CTDSPL: variants seen among roughly 807,000 people sequenced by gnomAD.
CTDSPL encodes CTD small phosphatase-like protein.
CTDSPL carries 8 observed loss-of-function variants against 30.5 expected under a neutral mutation model. The ratio of observed to expected loss-of-function variants is 0.26; its 90% CI spans 0.15 to 0.47. The LOEUF (loss-of-function observed/expected upper bound fraction) is 0.47, where lower values mean the gene tolerates loss of function less well. Ranked by LOEUF, CTDSPL falls within the 20% of genes least tolerant of loss-of-function variation. The pLI is 0.99. For missense variants in CTDSPL, 248 were observed against 366.1 expected (o/e 0.68, Z 2.63); for synonymous variants, 110 against 137.9 (o/e 0.80, Z 1.42).
intron 1 of CTDSPL, among the ~76,000 whole-genome samples, chr3:37,935,582 G>A (rs942699034): frequency 6.6e-6 from 1 of 152,194 alleles, no homozygotes; most frequent in African/African-American, 2.4e-5. Flanking sequence ...GAAGTGCTGA[G>A]GCAAGGAAGG....
At chr3:37,883,575 T>C (rs1698231976) in intron 1 of CTDSPL, among the ~76,000 whole-genome samples, 1 of 152,242 alleles carries the variant, frequency 6.6e-6, no homozygotes, top group Admixed American at 6.5e-5. Context: ...TCTTTAAACG[T>C]CCTTGTGAGG....
At chr3:37,863,313 T>C (rs942452292) in intron 1 of CTDSPL, among the ~76,000 whole-genome samples, 3 of 152,184 alleles carry the variant, frequency 2.0e-5, no homozygotes, top group African/African-American at 7.2e-5. Context: ...TGATTTGATT[T>C]TGGCACATTT....
intron 1 of CTDSPL, among the ~76,000 whole-genome samples, chr3:37,908,239 G>A (rs1017031230): frequency 6.6e-6 from 1 of 152,238 alleles, no homozygotes; most frequent in African/African-American, 2.4e-5. Flanking sequence ...GTGGGCGAAT[G>A]TCCATCACAG....
chr3:37,866,007 G>GACCACAC (rs1559619680), intron 1 of CTDSPL, among the ~76,000 whole-genome samples: 1 of 152,194 alleles, frequency 6.6e-6, no homozygotes, highest in Non-Finnish European at 1.5e-5. Flanking sequence ...CAGCAGTATT[G>GACCACAC]ACCACACATT....
Position 37,862,161 on chromosome 3 carries a change from G to C in CTDSPL, c.-39G>C, listed in dbSNP as rs1181585211. On this transcript the variant is annotated 5_prime_UTR_variant, in exon 1 of 8. Transcript: ENST00000273179. The surrounding 1 kb of genome is among the most constrained non-coding windows in gnomAD (Gnocchi z 4.3). ...CGCGCCCCCGCGCGCTTGGCTTGCG[G>C]GGGGCCGGGCCTGCGGGCGGCCGCC... The C allele has an allele frequency of 9.7e-7, 1 of 1,027,936 alleles. No individual in the cohort carries two copies. The highest frequency in any genetic ancestry group is 1.7e-5 in the African/African-American group (1 of 57,426). 63.7% of individuals were successfully genotyped at this position (1,027,936 alleles called of 1,614,324 possible). A position where few individuals can be genotyped will look rare whatever the true frequency, so the allele number is the denominator to read the frequency against.
Position 37,982,499 on chromosome 3 carries a change from T to G in CTDSPL, c.*1632T>G. ...CAGCCAGCATTCTGGTGGGAGTGAC[T>G]GGCATTAACAAGACTGGAAATCGGG... On this transcript the variant is annotated 3_prime_UTR_variant, in exon 8 of 8. Coordinates refer to ENST00000273179, the MANE Select transcript of CTDSPL (RefSeq NM_001008392.2). 2 of 455,956 alleles carry G rather than the reference T, an allele frequency of 4.4e-6. No homozygotes were observed. The highest frequency in any genetic ancestry group is 8.8e-6 in the Non-Finnish European group (2 of 226,332). The allele number at this position is 455,956 out of a possible 1,614,324, so 28.2% of individuals were successfully genotyped here.
At chr3:37,867,060 A>C (rs1176520839) in intron 1 of CTDSPL, among the ~76,000 whole-genome samples, 1 of 152,166 alleles carries the variant, frequency 6.6e-6, no homozygotes, top group African/African-American at 2.4e-5. Flanking sequence ...GAAAAATTTC[A>C]TCATCAGGAG....
chr3:37,881,021 CAAAA>C (rs200179594), intron 1 of CTDSPL, among the ~76,000 whole-genome samples: 10 of 84,194 alleles, frequency 1.2e-4, no homozygotes, highest in Admixed American at 1.3e-4. Context: ...TGAGGGGGAC[CAAAA>C]AAAAAAAAAA....
At chr3:37,903,754 A>C (rs1559629265) in intron 1 of CTDSPL, among the ~76,000 whole-genome samples, 1 of 152,208 alleles carries the variant, frequency 6.6e-6, no homozygotes, top group Non-Finnish European at 1.5e-5. Flanking sequence ...TCTTGGGGAC[A>C]AAAGCCCAGG....
chr3:37,962,518 A>G (rs1699255418), intron 3 of CTDSPL, among the ~76,000 whole-genome samples: 1 of 152,136 alleles, frequency 6.6e-6, no homozygotes. Context: ...TTGCACCATG[A>G]GGGGTTTTAC....
intron 1 of CTDSPL, among the ~76,000 whole-genome samples, chr3:37,869,545 C>T (rs919352200): frequency 1.3e-5 from 2 of 152,066 alleles, no homozygotes; most frequent in Non-Finnish European, 1.5e-5. Flanking sequence ...CATAGACAAA[C>T]GTGTCATCAA....
intron 3 of CTDSPL, among the ~76,000 whole-genome samples, 164 bp from the exon 4 acceptor site, chr3:37,964,407 C>T (rs1006564100): frequency 5.9e-5 from 9 of 152,102 alleles, no homozygotes; most frequent in African/African-American, 1.9e-4. Context: ...ATCGTGGCAC[C>T]GTATTTGATA....
chr3:37,923,754 G>C (rs1226719637), intron 1 of CTDSPL, among the ~76,000 whole-genome samples: 1 of 151,188 alleles, frequency 6.6e-6, no homozygotes, highest in Non-Finnish European at 1.5e-5. Flanking sequence ...ACTGTCAGTT[G>C]ATACAAAGAA....
Position 37,981,144 on chromosome 3 carries a change from A to G in CTDSPL, c.*277A>G, listed in dbSNP as rs1349470601. ...GAAAAAAATAGAAAAAAAAAAAAAA[A>G]AAGCTTGATCTCTATCAGACTTCCT... On this transcript the variant is annotated 3_prime_UTR_variant, in exon 8 of 8. Transcript: ENST00000273179. 5 of 228,942 alleles carry G rather than the reference A, an allele frequency of 2.2e-5. No individual in the cohort carries two copies. Among genetic ancestry groups the G allele is most frequent in the Non-Finnish European group, 4.2e-5 (5 of 117,858 alleles). 14.2% of individuals were successfully genotyped at this position (228,942 alleles called of 1,614,324 possible). A position where few individuals can be genotyped will look rare whatever the true frequency, so the allele number is the denominator to read the frequency against.
At chr3:37,964,762 G>T in intron 4 of CTDSPL, 90 bp downstream of exon 4, 1 of 989,044 alleles carries the variant, frequency 1.0e-6, no homozygotes, top group Non-Finnish European at 1.6e-6. Flanking sequence ...GAAAGCTTAT[G>T]GTGGTTAGTG....
chr3:37,872,443 G>A (rs1032529198), intron 1 of CTDSPL, among the ~76,000 whole-genome samples: 1 of 146,628 alleles, frequency 6.8e-6, no homozygotes, highest in Admixed American at 6.8e-5. Flanking sequence ...TAAGCCTTCT[G>A]TTTTGGTTGG....
intron 1 of CTDSPL, among the ~76,000 whole-genome samples, chr3:37,874,119 A>G (rs1218013759): frequency 6.6e-6 from 1 of 152,202 alleles, no homozygotes; most frequent in Admixed American, 6.5e-5. Context: ...CTTGCTGGCC[A>G]GTGACTAGAA....
chr3:37,904,477 G>A lies in CTDSPL; in HGVS notation c.79+42199G>A, dbSNP rs893855879. 2.6e-5 allele frequency among the ~76,000 whole-genome samples: 4 copies of A among 152,284 alleles called. No homozygotes were observed. The East Asian group carries it at 7.7e-4, about 29-fold the overall frequency. ...CAAGGGAGAACTGGCTCACCAGGAG[G>A]TGGTGACCCATTGGATGATAAATGG... On this transcript the variant is annotated intron_variant, in intron 1 of 7. Coordinates refer to ENST00000273179, the MANE Select transcript of CTDSPL (RefSeq NM_001008392.2).
At chr3:37,879,817 G>A (rs902193223) in intron 1 of CTDSPL, among the ~76,000 whole-genome samples, 2 of 152,102 alleles carry the variant, frequency 1.3e-5, no homozygotes, top group Non-Finnish European at 2.9e-5. Context: ...TTTCATGGTA[G>A]TGAATACCTT....
Sources: allele counts gnomAD v4.1 joint callset (sites outside exome capture counted in the v4.1 genomes callset), GRCh38; gene constraint gnomAD v4.1.1; non-coding constraint Gnocchi (gnomAD v3.1); transcripts MANE v1.5; gene names NCBI Gene and HGNC (gene_info 2026-07-23, HGNC 2026-07-21).